Variants in BAG4 observed in about 807,000 individuals in gnomAD.
BAG4 encodes BAG cochaperone 4.
A neutral mutation model predicts 52.1 loss-of-function variants in BAG4; 28 were observed. The observed-to-expected ratio is 0.54, with a 90% CI of 0.40 to 0.74. BAG4 has a LOEUF of 0.74. Ranked by LOEUF, BAG4 falls within the 30% of genes least tolerant of loss-of-function variation. The probability of loss-of-function intolerance (pLI) is 0.00; values close to 1 mark genes in which losing one functional copy is unlikely to be tolerated. For synonymous variants in BAG4, 208 were observed against 217.0 expected, an observed-to-expected ratio of 0.96 and a Z score of 0.37; for missense variants, 525 against 572.0, an observed-to-expected ratio of 0.92 and a Z score of 0.84.
intron 2 of BAG4, among the ~76,000 whole-genome samples, chr8:38,198,384 C>CAA (rs554403620): frequency 1.1e-5 from 1 of 94,152 alleles, no homozygotes; most frequent in Non-Finnish European, 2.1e-5. Flanking sequence ...ACTCCCATCT[C>CAA]AAAAAAAAAA....
chr8:38,199,729 T>C (rs1419822775), intron 2 of BAG4, among the ~76,000 whole-genome samples: 8 of 152,072 alleles, frequency 5.3e-5, no homozygotes, highest in Admixed American at 5.2e-4. Context: ...TTCACCATGT[T>C]AGTCAGGATG....
intron 2 of BAG4, among the ~76,000 whole-genome samples, chr8:38,199,963 T>C (rs1803632656): frequency 6.6e-6 from 1 of 152,028 alleles, no homozygotes; most frequent in East Asian, 1.9e-4. Flanking sequence ...CTCAGTATCA[T>C]CTGTTGAAAG....
chr8:38,207,397 T>C, intron 2 of BAG4, 115 bp from the exon 3 acceptor site: 1 of 1,183,666 alleles, frequency 8.4e-7, no homozygotes, highest in South Asian at 1.5e-5. Flanking sequence ...CCACTGTGCC[T>C]GGCCTGCATT....
intron 2 of BAG4, among the ~76,000 whole-genome samples, chr8:38,199,225 G>GT (rs2130681999): frequency 6.6e-6 from 1 of 152,286 alleles, no homozygotes; most frequent in Non-Finnish European, 1.5e-5. Context: ...CAGCTACACT[G>GT]TTGCAAGGCA....
intron 1 of BAG4, among the ~76,000 whole-genome samples, chr8:38,183,932 A>G (rs1232903873): frequency 6.6e-6 from 1 of 152,198 alleles, no homozygotes; most frequent in East Asian, 1.9e-4. Context: ...TAAGAACTTG[A>G]TTGTATTTTT....
At chr8:38,181,886 CAAAAAAAAAAA>C (rs34268146) in intron 1 of BAG4, among the ~76,000 whole-genome samples, 26 of 37,268 alleles carry the variant, frequency 7.0e-4, no homozygotes, top group South Asian at 2.0e-3. Context: ...GAGACTATCT[CAAAAAAAAAAA>C]AAAAAAAAAA....
intron 2 of BAG4, among the ~76,000 whole-genome samples, chr8:38,203,346 G>A (rs893400820): frequency 2.1e-4 from 31 of 145,818 alleles, no homozygotes; most frequent in African/African-American, 7.9e-4. Context: ...GCCATGGCAC[G>A]ATCTTGGCTC....
intron 2 of BAG4, among the ~76,000 whole-genome samples, chr8:38,205,902 A>G (rs1413587202): frequency 2.0e-5 from 3 of 152,038 alleles, no homozygotes; most frequent in Non-Finnish European, 2.9e-5. Flanking sequence ...ATTAAGCTTG[A>G]ATCTTTTTTT....
rs1563283985 is a variant in BAG4 at position 38,201,853 on chromosome 8, TATATATATATATATATATATATATA to T, written c.379-5658_379-5634del. The T allele has an allele frequency of 1.2e-3, 8 of 6,460 alleles. 1 individual carries two copies. Among genetic ancestry groups the T allele is most frequent in the African/African-American group, 1.9e-3 (5 of 2,650 alleles). The allele number at this position is 6,460 out of a possible 1,614,324, so 0.4% of individuals were successfully genotyped here. A position where few individuals can be genotyped will look rare whatever the true frequency, so the allele number is the denominator to read the frequency against. ...TGGAATTTATATATATATATATATA[TATATATATATATATATATATATATA>T]TATTTTTTTTTTTTTTTTTTTTTTT... On this transcript the variant is annotated intron_variant, in intron 2 of 4. Coordinates refer to ENST00000287322, the MANE Select transcript of BAG4 (RefSeq NM_004874.4).
Position 38,209,238 on chromosome 8 carries a change from C to T in BAG4, c.859C>T (p.Pro287Ser). 1 of 1,614,144 alleles carries T rather than the reference C, an allele frequency of 6.2e-7. No individual in the cohort carries two copies. Among genetic ancestry groups the T allele is most frequent in the Middle Eastern group, 1.6e-4 (1 of 6,062 alleles). The change falls in exon 4 of 5, where the codon CCC becomes TCC. Residue 287 changes from proline (P) to serine (S), a missense_variant. Pro to Ser is a moderately conservative substitution (Grantham distance 74, BLOSUM62 -1). Transcript: ENST00000287322. ...GCCTAGCAGTGGCTCTCCCCAGTCA[C>T]CCCCTTCACCCCCAGTCCAGCAGCC... ...PWPSSGSPQSPPSPPVQQPKD... is the reference protein window; with the variant it reads ...PWPSSGSPQSSPSPPVQQPKD...
intron 1 of BAG4, among the ~76,000 whole-genome samples, chr8:38,177,724 C>T (rs1026032711): frequency 1.1e-4 from 16 of 151,984 alleles, no homozygotes; most frequent in Admixed American, 2.0e-4. Context: ...TACAGCGGCC[C>T]TTTTTTTTGT....
rs1212526970 is a variant in BAG4 at position 38,185,089 on chromosome 8, C to CAA, written c.271-7583_271-7582dup. Among the ~76,000 whole-genome samples, 863 of 101,416 alleles carry CAA rather than the reference C, an allele frequency of 8.5e-3. 9 individuals are homozygous for CAA. Among genetic ancestry groups the CAA allele is most frequent in the Middle Eastern group, 0.018 (3 of 168 alleles). The allele number at this position is 101,416 out of a possible 152,430, so 66.5% of individuals were successfully genotyped here. A position where few individuals can be genotyped will look rare whatever the true frequency, so the allele number is the denominator to read the frequency against. ...GGGCAACAAGAGTGAGACTCTGTCT[C>CAA]AAAAAAAAAAAAAAAAATAGAATGC... On this transcript the variant is annotated intron_variant, in intron 1 of 4. Coordinates refer to ENST00000287322, the MANE Select transcript of BAG4 (RefSeq NM_004874.4).
At chr8:38,178,810 G>C (rs80202156) in intron 1 of BAG4, among the ~76,000 whole-genome samples, 301 of 152,206 alleles carry the variant, frequency 2.0e-3, no homozygotes, top group African/African-American at 6.9e-3. Context: ...GGCGGTGTAG[G>C]TGAGAATATT....
intron 1 of BAG4, among the ~76,000 whole-genome samples, chr8:38,186,794 C>G (rs1469968667): frequency 4.6e-5 from 7 of 152,196 alleles, no homozygotes; most frequent in Non-Finnish European, 7.4e-5. Context: ...GAAAGATACA[C>G]TCAAAGAAAG....
chr8:38,202,469 T>C (rs1803695340), intron 2 of BAG4, among the ~76,000 whole-genome samples: 1 of 152,200 alleles, frequency 6.6e-6, no homozygotes, highest in Non-Finnish European at 1.5e-5. Flanking sequence ...TTGCCCCCGC[T>C]TATCTTAAAC....
At chr8:38,192,052 G>A (rs780644889) in intron 1 of BAG4, among the ~76,000 whole-genome samples, 2 of 152,214 alleles carry the variant, frequency 1.3e-5, no homozygotes, top group Non-Finnish European at 2.9e-5. Context: ...CCATAGCACA[G>A]AGTAGAATAT....
intron 2 of BAG4, among the ~76,000 whole-genome samples, chr8:38,194,871 T>G (rs1310091673): frequency 1.3e-5 from 2 of 148,938 alleles, no homozygotes; most frequent in Non-Finnish European, 3.0e-5. Context: ...TTGTTTTTTT[T>G]TTTGGCCGAG....
rs758687538 is a variant in BAG4 at position 38,192,759 on chromosome 8, A to G, written c.342A>G (p.Pro114=). 6.2e-7 allele frequency: 1 copy of G among 1,613,200 alleles called. No individual in the cohort carries two copies. Among genetic ancestry groups the G allele is most frequent in the South Asian group, 1.1e-5 (1 of 90,936 alleles). The part of the protein sequence containing the change: ...NSTARSRAPY[P]STYPVRPELQ... ...CTGCGAGATCTAGGGCTCCTTACCC[A>G]AGTACATATCCTGTAAGACCAGAAT... is the stretch of plus-strand genomic sequence containing the variant. Residue 114 remains proline, a synonymous_variant, in exon 2 of 5, where the codon CCA becomes CCG. Coordinates refer to ENST00000287322, the MANE Select transcript of BAG4 (RefSeq NM_004874.4).
At chr8:38,187,261 T>C (rs780391113) in intron 1 of BAG4, among the ~76,000 whole-genome samples, 17 of 152,138 alleles carry the variant, frequency 1.1e-4, no homozygotes, top group Admixed American at 6.5e-5. Flanking sequence ...ATAGCAATTA[T>C]ATATTAAAAA....
Sources: allele counts gnomAD v4.1 joint callset (sites outside exome capture counted in the v4.1 genomes callset), GRCh38; gene constraint gnomAD v4.1.1; transcripts MANE v1.5; gene names NCBI Gene and HGNC (gene_info 2026-07-23, HGNC 2026-07-21).